The following INSR variants were observed in gnomAD, a reference collection of about 807,000 sequenced individuals.
The protein encoded by INSR is insulin receptor.
Under a neutral mutation model 142.6 loss-of-function variants are expected in INSR, and 67 were observed. The observed-to-expected ratio is 0.47, with a 90% CI of 0.39 to 0.58. The LOEUF (loss-of-function observed/expected upper bound fraction) is 0.58, where lower values mean the gene tolerates loss of function less well. Among genes scored for constraint, INSR ranks in the 20% least tolerant of loss-of-function variants. INSR has a pLI of 0.00. For missense variants in INSR, 1,248 were observed against 1,833.2 expected (o/e 0.68, Z 5.83); for synonymous variants, 756 against 743.1 (o/e 1.02, Z -0.28).
rs766030682 is a variant in INSR at position 7,184,483 on chromosome 19, C to T, written c.807G>A (p.Pro269=). ...AGTCCTGGAAGTGGTAGTACGGGGG[C>T]GGGCAGGTCTCCACACACCTGCCGT... ...YLDGRCVETC[P]PPYYHFQDWR... The change falls in exon 3 of 22, where the codon CCG becomes CCA. Residue 269 remains proline (P), a synonymous_variant. Transcript: ENST00000302850. 27 of 1,613,836 alleles carry T rather than the reference C, an allele frequency of 1.7e-5. No homozygotes were observed. The highest frequency in any genetic ancestry group is 4.5e-5 in the East Asian group (2 of 44,882).
chr19:7,143,184 A>G (rs1973115744), intron 11 of INSR, 94 bp from the exon 12 acceptor site: 3 of 1,419,174 alleles, frequency 2.1e-6, no homozygotes, highest in South Asian at 2.3e-5. Flanking sequence ...TTAAGAAGAA[A>G]GATCAGAGCG....
chr19:7,123,060 C>T, intron 17 of INSR, 71 bp from the exon 18 acceptor site: 1 of 1,155,034 alleles, frequency 8.7e-7, no homozygotes, highest in Non-Finnish European at 1.3e-6. Context: ...TCCTCCCTCC[C>T]TGGTGTCTAT....
At chr19:7,139,194 A>G (rs181090164) in intron 13 of INSR, among the ~76,000 whole-genome samples, 33 of 152,344 alleles carry the variant, frequency 2.2e-4, no homozygotes, top group Admixed American at 1.8e-3. Flanking sequence ...ATCCAGCCCC[A>G]GCCAAACTGG....
rs1336904172 is a variant in INSR, at chr19:7,197,873, CGTGT to C, written c.653-13240_653-13237del. On this transcript the variant is annotated intron_variant, in intron 2 of 21. Transcript: ENST00000302850. Reference sequence around the variant, plus strand: ...GAGAGAACGAGAGAGAGTGTGTGCGCGTGTGTGTCTGTGCAGCCCCAGGATTGGT... The same window carrying C: ...GAGAGAACGAGAGAGAGTGTGTGCGCGTGTCTGTGCAGCCCCAGGATTGGT... Among the ~76,000 whole-genome samples the C allele has an allele frequency of 3.2e-5, 4 of 123,442 alleles. 1 individual carries two copies. The highest frequency in any genetic ancestry group is 1.3e-4 in the African/African-American group (4 of 31,362). 81.0% of individuals were successfully genotyped at this position (123,442 alleles called of 152,430 possible).
At chr19:7,223,648 C>G (rs1975689527) in intron 2 of INSR, among the ~76,000 whole-genome samples, 1 of 152,178 alleles carries the variant, frequency 6.6e-6, no homozygotes, top group South Asian at 2.1e-4. Context: ...CCTATTCACC[C>G]TTCAAAACCC....
At chr19:7,121,699 C>A (rs541914868) in intron 19 of INSR, among the ~76,000 whole-genome samples, 67 of 152,212 alleles carry the variant, frequency 4.4e-4, no homozygotes, top group Non-Finnish European at 9.3e-4. Context: ...AACTCCTGGA[C>A]TCAAGCAGTC....
rs1568448799 is a variant in INSR at position 7,152,931 on chromosome 19, G to A, written c.2030-4C>T. ...GTCCTCGAGGGCAGCTTCAGCCCTG[G>A]AGAAAGAAACAGAAAAGGGGGGCTC... On this transcript the variant is annotated splice_region_variant and splice_polypyrimidine_tract_variant and intron_variant, in intron 9 of 21. Coordinates refer to ENST00000302850, the MANE Select transcript of INSR (RefSeq NM_000208.4). 4 of 1,608,516 alleles carry A rather than the reference G, an allele frequency of 2.5e-6. No homozygotes were observed. The highest frequency in any genetic ancestry group is 4.5e-5 in the East Asian group (2 of 44,776).
rs138211567 is a variant in INSR at position 7,119,722 on chromosome 19, A to T, written c.3660-139T>A. 1.1e-6 allele frequency: 1 copy of T among 948,884 alleles called. No homozygotes were observed. The highest frequency in any genetic ancestry group is 1.7e-6 in the Non-Finnish European group (1 of 604,120). 58.8% of individuals were successfully genotyped at this position (948,884 alleles called of 1,614,324 possible). A position where few individuals can be genotyped will look rare whatever the true frequency, so the allele number is the denominator to read the frequency against. On this transcript the variant is annotated intron_variant, in intron 20 of 21. Coordinates refer to ENST00000302850, the MANE Select transcript of INSR (RefSeq NM_000208.4). This position sits in a 1 kb window ranked among gnomAD's most constrained non-coding sequence, Gnocchi z 5.2. Reference sequence around the variant, plus strand: ...CACATACATGCAAACACACACATGCAAACACACACGCACATACACGTGCAC... The same window carrying T: ...CACATACATGCAAACACACACATGCTAACACACACGCACATACACGTGCAC...
chr19:7,226,831 T>C (rs914915194), intron 2 of INSR, among the ~76,000 whole-genome samples: 1 of 151,392 alleles, frequency 6.6e-6, no homozygotes, highest in Non-Finnish European at 1.5e-5. Flanking sequence ...ATTGCAAAAA[T>C]GGCTGATAAA....
In INSR at chr19:7,288,692, G is replaced by A. The variant is rs558833746; in HGVS notation, c.100+5100C>T. Among the ~76,000 whole-genome samples, 5 of 150,886 alleles carry A rather than the reference G, an allele frequency of 3.3e-5. No homozygotes were observed. The South Asian group carries it at 1.1e-3, about 32-fold the overall frequency. On this transcript the variant is annotated intron_variant, in intron 1 of 21. Transcript: ENST00000302850. ...AAAAAAAAAAAAAGGGCCGGACACG[G>A]TGGCTCATGCCCGTAATCCCAGCAC...
intron 1 of INSR, among the ~76,000 whole-genome samples, chr19:7,285,036 C>T (rs1028563085): frequency 3.3e-5 from 5 of 151,970 alleles, no homozygotes; most frequent in East Asian, 1.9e-4. Context: ...GGTCTGGGGC[C>T]AGGTGCAGTG....
At chr19:7,153,507 A>G (rs1358159585) in intron 9 of INSR, among the ~76,000 whole-genome samples, 8 of 134,406 alleles carry the variant, frequency 6.0e-5, no homozygotes. Flanking sequence ...CACACAGTGA[A>G]GGGGGCCTTC....
chr19:7,294,028 G>GC lies in INSR; in HGVS notation c.-138dup. 3 of 974,112 alleles carry GC rather than the reference G, an allele frequency of 3.1e-6. No individual in the cohort carries two copies. Among genetic ancestry groups the GC allele is most frequent in the South Asian group, 5.0e-5 (1 of 19,874 alleles). The allele number at this position is 974,112 out of a possible 1,614,324, so 60.3% of individuals were successfully genotyped here. A position where few individuals can be genotyped will look rare whatever the true frequency, so the allele number is the denominator to read the frequency against. ...CCACGCCCGCGACCCGCGGGCCGCA[G>GC]CCCCCCTGCCGGGGAGGGCCCAGAG... On this transcript the variant is annotated 5_prime_UTR_variant, in exon 1 of 22. Coordinates refer to ENST00000302850, the MANE Select transcript of INSR (RefSeq NM_000208.4).
intron 2 of INSR, among the ~76,000 whole-genome samples, chr19:7,208,357 G>A (rs571841905): frequency 3.4e-4 from 51 of 151,844 alleles, no homozygotes; most frequent in African/African-American, 9.7e-4. Flanking sequence ...CCCTCTGGCC[G>A]TGTATTATTC....
chr19:7,120,713 T>C lies in INSR; in HGVS notation c.3566A>G (p.Tyr1189Cys). The C allele has an allele frequency of 6.2e-7, 1 of 1,614,144 alleles. No individual in the cohort carries two copies. ...GMTRDIYETD[Y>C]YRKGGKGLLP... The stretch of plus-strand genomic sequence containing the variant: ...CAGACCCTTGCCCCCTTTCCGGTAG[T>C]AATCCGTTTCATAGATGTCTCTGGT... The change falls in exon 20 of 22, where the codon TAC (tyrosine) becomes TGC (cysteine). Residue 1189 changes from tyrosine to cysteine, a missense_variant. By Grantham distance (194) the Tyr-to-Cys change is radical. This residue lies in a region of INSR where 1,069 missense variants were observed against 1,654.0 expected (regional missense o/e 0.65). Transcript: ENST00000302850.
chr19:7,239,365 A>G (rs1238211781), intron 2 of INSR, among the ~76,000 whole-genome samples: 1 of 151,116 alleles, frequency 6.6e-6, no homozygotes, highest in Non-Finnish European at 1.5e-5. Flanking sequence ...AGAAGCATAC[A>G]GAGAGATTCC....
In INSR at chr19:7,197,916, AGAGT is replaced by A. The variant is rs1163434438; in HGVS notation, c.653-13283_653-13280del. 1.1e-3 allele frequency among the ~76,000 whole-genome samples: 76 copies of A among 71,344 alleles called. 2 individuals are homozygous for A. The highest frequency in any genetic ancestry group is 2.8e-3 in the African/African-American group (35 of 12,408). 46.8% of individuals were successfully genotyped at this position (71,344 alleles called of 152,430 possible). Reference sequence around the variant, plus strand: ...CCCAGGATTGGTCGGTTCCAGAGTGAGAGTGTGTGTGTGTGTGTGTGTGTGTGTG... The same window carrying A: ...CCCAGGATTGGTCGGTTCCAGAGTGAGTGTGTGTGTGTGTGTGTGTGTGTG... On this transcript the variant is annotated intron_variant, in intron 2 of 21. Coordinates refer to ENST00000302850, the MANE Select transcript of INSR (RefSeq NM_000208.4).
intron 1 of INSR, among the ~76,000 whole-genome samples, chr19:7,289,518 G>A (rs1312283019): frequency 6.7e-6 from 1 of 149,400 alleles, no homozygotes; most frequent in African/African-American, 2.5e-5. Flanking sequence ...CGATTCTCCT[G>A]CCTCAGCCTC....
chr19:7,238,406 G>A (rs1976229061), intron 2 of INSR, among the ~76,000 whole-genome samples: 1 of 151,980 alleles, frequency 6.6e-6, no homozygotes, highest in Admixed American at 6.6e-5. Flanking sequence ...GATCACTTGA[G>A]GTCATGAGTT....
Sources: gnomAD v4.1 joint callset for allele counts (sites outside exome capture counted in the v4.1 genomes callset) on GRCh38, gnomAD v4.1.1 for gene constraint, gnomAD v4.1.1 regional missense constraint, Gnocchi (gnomAD v3.1) non-coding constraint, MANE v1.5 for transcripts, NCBI Gene and HGNC (gene_info 2026-07-23, HGNC 2026-07-21) for gene names.